The following RALGAPA1 variants were observed in gnomAD, a reference collection of about 807,000 sequenced individuals.
RALGAPA1 encodes the protein ral GTPase-activating protein subunit alpha-1.
RALGAPA1 carries 52 observed loss-of-function variants against 269.6 expected under a neutral mutation model. The observed-to-expected ratio is 0.19, with a 90% CI of 0.15 to 0.24. The LOEUF is 0.24. Ranked by LOEUF, RALGAPA1 falls within the 10% of genes least tolerant of loss-of-function variation. The probability of loss-of-function intolerance (pLI) is 1.00; values close to 1 mark genes in which losing one functional copy is unlikely to be tolerated. For missense variants in RALGAPA1, 1,917 were observed against 3,013.9 expected (o/e 0.64, Z 8.52); for synonymous variants, 817 against 1,008.3 (o/e 0.81, Z 3.60).
chr14:35,697,753 G>GA (rs2067015233), intron 17 of RALGAPA1, among the ~76,000 whole-genome samples: 1 of 151,932 alleles, frequency 6.6e-6, no homozygotes, highest in African/African-American at 2.4e-5. Context: ...GCATCTCCTG[G>GA]AAAGTGTTCT....
chr14:35,739,769 T>C (rs1180006800), intron 11 of RALGAPA1, among the ~76,000 whole-genome samples: 2 of 152,142 alleles, frequency 1.3e-5, no homozygotes, highest in Non-Finnish European at 2.9e-5. Context: ...CTTCCAAACT[T>C]TGCTAATCCT....
chr14:35,724,008 A>C (rs761161427), intron 14 of RALGAPA1: 2 of 152,174 alleles, frequency 1.3e-5, no homozygotes, highest in Non-Finnish European at 2.9e-5. Flanking sequence ...AAAGATGAAA[A>C]TGAACAGAGT....
Position 35,659,190 on chromosome 14 carries a change from T to C in RALGAPA1, c.5335A>G (p.Ile1779Val). The C allele has an allele frequency of 6.2e-7, 1 of 1,609,316 alleles. No homozygotes were observed. Among genetic ancestry groups the C allele is most frequent in the Non-Finnish European group, 8.5e-7 (1 of 1,177,250 alleles). ...VSQFTDVKEL[I>V]IKTVLSSARD... ...GCCGAGCTTAATACAGTTTTGATTA[T>C]AAGTTCCTAAAATAAGGGGGAAATA... Residue 1779 changes from isoleucine (I) to valine (V), a missense_variant, in exon 28 of 42, where the codon ATA becomes GTA. Ile to Val is a conservative substitution (Grantham distance 29, BLOSUM62 3). This residue lies in a region of RALGAPA1 where 346 missense variants were observed against 566.1 expected (regional missense o/e 0.61). Coordinates refer to ENST00000680220, the MANE Select transcript of RALGAPA1 (RefSeq NM_001346249.2).
At position 35,689,233 on chromosome 14, in the gene RALGAPA1, T is replaced by C. The variant is rs2066262236; in HGVS notation, c.3178A>G (p.Arg1060Gly). The change falls in exon 18 of 42, where the codon AGG becomes GGG. Residue 1060 changes from arginine to glycine, a missense_variant. Physicochemically the swap from Arg to Gly is moderately radical, Grantham distance 125. Transcript: ENST00000680220. ...SLDSPCDKEK[R>G]KHLYRQAATE... ...GCTGCTTGTCTGTACAGATGTTTCC[T>C]TTTTTCTTTATCACAAGGGCTATCT... The C allele has an allele frequency of 4.1e-6, 5 of 1,232,326 alleles. No individual in the cohort carries two copies. Among genetic ancestry groups the C allele is most frequent in the African/African-American group, 3.1e-5 (2 of 64,428 alleles). The allele number at this position is 1,232,326 out of a possible 1,614,324, so 76.3% of individuals were successfully genotyped here.
intron 31 of RALGAPA1, 128 bp downstream of exon 31, chr14:35,651,677 T>C: frequency 1.3e-6 from 1 of 748,844 alleles, no homozygotes; most frequent in Non-Finnish European, 1.9e-6. Flanking sequence ...AGAAAGGCAT[T>C]TCACATTATA....
Position 35,548,497 on chromosome 14 carries a change from CTT to C in RALGAPA1, c.*23+9_*23+10del, listed in dbSNP as rs747601661. 8.6e-5 allele frequency: 134 copies of C among 1,552,440 alleles called. No individual in the cohort carries two copies. Among genetic ancestry groups the C allele is most frequent in the Non-Finnish European group, 1.1e-4 (130 of 1,148,114 alleles). ...AGAACAGAGGGTGTTTTGGTTGACA[CTT>C]TGTCTTACCTTCAGATAAACAGAAC... On this transcript the variant is annotated intron_variant, in intron 41 of 41. Coordinates refer to ENST00000680220, the MANE Select transcript of RALGAPA1 (RefSeq NM_001346249.2).
Position 35,595,807 on chromosome 14 carries a change from T to G in RALGAPA1, c.7054-18A>C, listed in dbSNP as rs2058897329. 6.3e-7 allele frequency: 1 copy of G among 1,598,244 alleles called. No individual in the cohort carries two copies. Among genetic ancestry groups the G allele is most frequent in the East Asian group, 2.2e-5 (1 of 44,594 alleles). On this transcript the variant is annotated intron_variant, in intron 36 of 41. Transcript: ENST00000680220. ...AGATTTACCTAGAAGTAATGAAGAGTCACATAAATTAATTAAACAAAACCC... is the reference window on the plus strand; with the variant it reads ...AGATTTACCTAGAAGTAATGAAGAGGCACATAAATTAATTAAACAAAACCC...
chr14:35,613,593 G>C (rs906749424), intron 35 of RALGAPA1, among the ~76,000 whole-genome samples: 4 of 152,176 alleles, frequency 2.6e-5, no homozygotes, highest in African/African-American at 9.7e-5. Context: ...TAAGATTCTA[G>C]CTGTTGCTGA....
chr14:35,570,809 C>A, intron 38 of RALGAPA1, 65 bp from the exon 39 acceptor site: 1 of 1,445,636 alleles, frequency 6.9e-7, no homozygotes, highest in South Asian at 1.4e-5. Context: ...TAAGAGCAAT[C>A]AAGACACTTT....
At chr14:35,648,334 C>T (rs10129384) in intron 31 of RALGAPA1, among the ~76,000 whole-genome samples, 18,337 of 151,094 alleles carry the variant, frequency 0.12, 1,173 homozygotes, top group South Asian at 0.14. Context: ...GGCATGGTGG[C>T]GCACGCCTGT....
chr14:35,625,846 T>G (rs907695663), intron 34 of RALGAPA1, among the ~76,000 whole-genome samples: 2 of 152,206 alleles, frequency 1.3e-5, no homozygotes, highest in African/African-American at 4.8e-5. Context: ...GAATTTTCTT[T>G]CTTCCTTGTT....
At chr14:35,559,577 G>A (rs904183614) in intron 39 of RALGAPA1, among the ~76,000 whole-genome samples, 2 of 152,214 alleles carry the variant, frequency 1.3e-5, no homozygotes, top group South Asian at 4.2e-4. Context: ...TTGTTTTTAG[G>A]GAATACTGTA....
intron 35 of RALGAPA1, 40 bp downstream of exon 35, chr14:35,625,321 T>A (rs759992955): frequency 7.7e-7 from 1 of 1,293,832 alleles, no homozygotes; most frequent in Non-Finnish European, 1.1e-6. Flanking sequence ...GAGAAATACC[T>A]GAGAGTTGCT....
intron 16 of RALGAPA1, chr14:35,715,683 C>CAACT: frequency 1.0e-6 from 1 of 978,498 alleles, no homozygotes; most frequent in Non-Finnish European, 1.2e-6. Context: ...TTTGCTTGTA[C>CAACT]AACTGTCAGG....
At position 35,794,469 on chromosome 14, in the gene RALGAPA1, T is replaced by C. The variant is rs546071991; in HGVS notation, c.106+14261A>G. Among the ~76,000 whole-genome samples, 4 of 152,320 alleles carry C rather than the reference T, an allele frequency of 2.6e-5. No homozygotes were observed. In the East Asian group the frequency reaches 7.7e-4, roughly 29 times the overall value. On this transcript the variant is annotated intron_variant, in intron 1 of 41. Transcript: ENST00000680220. ...TTTTTTTGTTTTCTTTTTGTTTTTT[T>C]GTTTTGAGATGGAGTCTCCCTCCGT...
chr14:35,668,425 G>C (rs1158329185), intron 26 of RALGAPA1, among the ~76,000 whole-genome samples: 2 of 152,012 alleles, frequency 1.3e-5, no homozygotes, highest in African/African-American at 4.8e-5. Flanking sequence ...AGAGATTGCA[G>C]TGAGCCAAGA....
chr14:35,784,202 A>T (rs774310334), intron 1 of RALGAPA1, among the ~76,000 whole-genome samples: 6 of 152,196 alleles, frequency 3.9e-5, no homozygotes, highest in Non-Finnish European at 7.3e-5. Context: ...ATAATGGTCA[A>T]ACAGTGGAAA....
At chr14:35,614,541 T>C (rs1409623126) in intron 35 of RALGAPA1, among the ~76,000 whole-genome samples, 3 of 152,064 alleles carry the variant, frequency 2.0e-5, no homozygotes, top group South Asian at 2.1e-4. Flanking sequence ...AGTAGATATG[T>C]GTTATCTAAG....
intron 5 of RALGAPA1, among the ~76,000 whole-genome samples, chr14:35,762,453 A>C (rs1198917036): frequency 1.3e-5 from 2 of 152,016 alleles, no homozygotes; most frequent in Non-Finnish European, 2.9e-5. Flanking sequence ...ACAGGGTTTC[A>C]CTATGTTGGC....
Sources: allele counts gnomAD v4.1 joint callset (sites outside exome capture counted in the v4.1 genomes callset), GRCh38; gene constraint gnomAD v4.1.1; regional missense constraint gnomAD v4.1.1; transcripts MANE v1.5; gene names NCBI Gene and HGNC (gene_info 2026-07-23, HGNC 2026-07-21).